DACH1: variants seen among roughly 807,000 people sequenced by gnomAD.
DACH1 encodes dachshund homolog 1.
A neutral mutation model predicts 54.2 loss-of-function variants in DACH1; 12 were observed. That is an observed-to-expected ratio of 0.22 (90% confidence interval 0.14 to 0.36). The LOEUF (loss-of-function observed/expected upper bound fraction) is 0.36. Ranked by LOEUF, DACH1 falls within the 10% of genes least tolerant of loss-of-function variation. DACH1 has a pLI of 1.00. For missense variants in DACH1, 805 were observed against 929.8 expected (o/e 0.87, Z 1.75); for synonymous variants, 386 against 366.2 (o/e 1.05, Z -0.62).
rs1377331355 is a variant in DACH1, at chr13:71,475,185, G to A, written c.2039C>T (p.Ala680Val). 6.2e-7 allele frequency: 1 copy of A among 1,613,928 alleles called. No individual in the cohort carries two copies. Among genetic ancestry groups the A allele is most frequent in the Admixed American group, 1.7e-5 (1 of 60,024 alleles). The change falls in exon 10 of 11, where the codon GCT (alanine) becomes GTT (valine). Residue 680 changes from alanine to valine, a missense_variant. Around this residue, in one of 3 missense-constraint regions of DACH1, gnomAD observed 472 missense variants for 545.3 expected, o/e 0.87. Coordinates refer to ENST00000613252, the MANE Select transcript of DACH1 (RefSeq NM_080759.6). ...ATCTGTTCTGCCGCCACTGCGGTCA[G>A]CCTCTATCTCTGGGGTCAGAGAGTC... ...LNDSLTPEIE[A>V]DRSGGRTDAE...
chr13:71,665,195 A>G (rs1408931581), intron 2 of DACH1, among the ~76,000 whole-genome samples: 1 of 151,994 alleles, frequency 6.6e-6, no homozygotes, highest in African/African-American at 2.4e-5. Context: ...GTACTGCATT[A>G]TTTAGCAAAC....
chr13:71,548,942 A>C (rs1446280172), intron 6 of DACH1, among the ~76,000 whole-genome samples: 1 of 152,050 alleles, frequency 6.6e-6, no homozygotes, highest in Non-Finnish European at 1.5e-5. Context: ...AAGAAAGAAA[A>C]AGAAAAAGTT....
intron 10 of DACH1, chr13:71,464,446 A>G (rs1341688999): frequency 3.5e-6 from 1 of 288,656 alleles, no homozygotes; most frequent in African/African-American, 2.3e-5. Flanking sequence ...AAAAACATTT[A>G]AAACATACAA....
At chr13:71,571,400 C>T (rs1885186821) in intron 4 of DACH1, among the ~76,000 whole-genome samples, 1 of 152,104 alleles carries the variant, frequency 6.6e-6, no homozygotes, top group Admixed American at 6.6e-5. Context: ...TACCTATTAC[C>T]TAACATCATC....
intron 1 of DACH1, among the ~76,000 whole-genome samples, chr13:71,775,062 A>C (rs150567395): frequency 1.9e-3 from 272 of 141,840 alleles, no homozygotes; most frequent in African/African-American, 6.6e-3. Flanking sequence ...AGGAAGGAGG[A>C]TCTCTTGAGG....
chr13:71,651,662 CT>C (rs1878682084), intron 2 of DACH1, among the ~76,000 whole-genome samples: 6 of 103,782 alleles, frequency 5.8e-5, no homozygotes, highest in African/African-American at 1.9e-4. Flanking sequence ...GTATATGTAT[CT>C]GTATCTGTAT....
Position 71,622,041 on chromosome 13 carries a change from G to C in DACH1, c.1126+8515C>G, listed in dbSNP as rs4622402. ...AGTGGGGATGGGGCATAAAGAGCAC[G>C]CAAAACTATGTGTGCTACATTATTT... On this transcript the variant is annotated intron_variant, in intron 3 of 10. Coordinates refer to ENST00000613252, the MANE Select transcript of DACH1 (RefSeq NM_080759.6). Among the ~76,000 whole-genome samples, 3 of 151,424 alleles carry C rather than the reference G, an allele frequency of 2.0e-5. No individual in the cohort carries two copies. The South Asian group carries it at 6.2e-4, about 31-fold the overall frequency.
intron 7 of DACH1, among the ~76,000 whole-genome samples, chr13:71,484,068 A>T (rs1407359081): frequency 6.6e-6 from 1 of 152,160 alleles, no homozygotes; most frequent in Non-Finnish European, 1.5e-5. Flanking sequence ...CTTCCCACAA[A>T]CACAGAAGTA....
chr13:71,652,008 G>A (rs745451615), intron 2 of DACH1, among the ~76,000 whole-genome samples: 1 of 152,124 alleles, frequency 6.6e-6, no homozygotes, highest in African/African-American at 2.4e-5. Flanking sequence ...CTTCATGAGT[G>A]TTTCTCTGAA....
At chr13:71,865,805 G>T in intron 1 of DACH1, 117 bp downstream of exon 1, 5 of 1,307,650 alleles carry the variant, frequency 3.8e-6, no homozygotes, top group Non-Finnish European at 4.8e-6. Context: ...GGCCGCGCTC[G>T]CCGGGGCGCG....
chr13:71,832,699 C>T (rs1012178959), intron 1 of DACH1, among the ~76,000 whole-genome samples: 1 of 151,724 alleles, frequency 6.6e-6, no homozygotes, highest in African/African-American at 2.4e-5. Context: ...TTTAGCTTCT[C>T]AAAATAAGAC....
intron 1 of DACH1, among the ~76,000 whole-genome samples, chr13:71,773,280 T>C (rs769009474): frequency 4.6e-5 from 7 of 151,922 alleles, no homozygotes; most frequent in Non-Finnish European, 7.4e-5. Flanking sequence ...TTAATGTTCT[T>C]TTATCTAATG....
At position 71,829,382 on chromosome 13, in the gene DACH1, A is replaced by G. The variant is rs566179913; in HGVS notation, c.848+36540T>C. 1.8e-4 allele frequency among the ~76,000 whole-genome samples: 27 copies of G among 152,110 alleles called. No homozygotes were observed. The South Asian group carries it at 5.4e-3, about 30-fold the overall frequency. ...TGGACTTAATTTTCAAACACAATTA[A>G]TTTGACTTTAGAATAAGTTTGTCTA... On this transcript the variant is annotated intron_variant, in intron 1 of 10. Transcript: ENST00000613252.
At chr13:71,590,602 A>G (rs1322985419) in intron 3 of DACH1, among the ~76,000 whole-genome samples, 1 of 152,160 alleles carries the variant, frequency 6.6e-6, no homozygotes, top group East Asian at 1.9e-4. Context: ...AGCCTTACAC[A>G]GAGATGTCCC....
At chr13:71,839,794 G>A (rs528507679) in intron 1 of DACH1, among the ~76,000 whole-genome samples, 1 of 152,056 alleles carries the variant, frequency 6.6e-6, no homozygotes, top group African/African-American at 2.4e-5. Context: ...TCCTCCTCAT[G>A]ATCTTAGACT....
intron 2 of DACH1, among the ~76,000 whole-genome samples, chr13:71,668,329 A>T (rs1307748663): frequency 6.6e-6 from 1 of 152,158 alleles, no homozygotes; most frequent in Non-Finnish European, 1.5e-5. Flanking sequence ...CTTTCCTGAA[A>T]TTATATCCTT....
intron 3 of DACH1, among the ~76,000 whole-genome samples, chr13:71,629,263 T>A (rs1876894700): frequency 6.6e-6 from 1 of 152,050 alleles, no homozygotes; most frequent in Non-Finnish European, 1.5e-5. Context: ...TGAGCACAGA[T>A]ATTATCCTTA....
chr13:71,849,802 T>G (rs1873541787), intron 1 of DACH1, among the ~76,000 whole-genome samples: 1 of 152,226 alleles, frequency 6.6e-6, no homozygotes, highest in African/African-American at 2.4e-5. Flanking sequence ...AATTCATTCA[T>G]TTAGCTTCAT....
chr13:71,865,750 AG>A (rs1224499941), intron 1 of DACH1, among the ~76,000 whole-genome samples, 171 bp downstream of exon 1: 1 of 151,834 alleles, frequency 6.6e-6, no homozygotes, highest in African/African-American at 2.4e-5. Context: ...CCAACTTCTC[AG>A]GGGGTCGGGC....
Sources: gnomAD v4.1 joint callset for allele counts (sites outside exome capture counted in the v4.1 genomes callset) on GRCh38, gnomAD v4.1.1 for gene constraint, gnomAD v4.1.1 regional missense constraint, MANE v1.5 for transcripts, NCBI Gene and HGNC (gene_info 2026-07-23, HGNC 2026-07-21) for gene names.